PTPRB: variants seen among roughly 807,000 people sequenced by gnomAD.
PTPRB encodes the protein receptor-type tyrosine-protein phosphatase beta.
PTPRB carries 97 observed loss-of-function variants against 238.1 expected under a neutral mutation model. That is an observed-to-expected ratio of 0.41 (90% confidence interval 0.35 to 0.48). The LOEUF is 0.48. Among genes scored for constraint, PTPRB ranks in the 20% least tolerant of loss-of-function variants. The pLI, the probability that PTPRB is intolerant of heterozygous loss-of-function variation, is 0.30. For synonymous variants in PTPRB, 970 were observed against 995.4 expected (o/e 0.97, Z 0.48); for missense variants, 2,292 against 2,681.9 (o/e 0.85, Z 3.21).
At chr12:70,533,207 A>G (rs897605191) in intron 31 of PTPRB, among the ~76,000 whole-genome samples, 1 of 152,114 alleles carries the variant, frequency 6.6e-6, no homozygotes, top group African/African-American at 2.4e-5. Flanking sequence ...TTATAAGATA[A>G]CAGTTCTCCA....
intron 4 of PTPRB, chr12:70,608,836 C>T (rs576755534): frequency 1.0e-5 from 6 of 599,896 alleles, no homozygotes; most frequent in African/African-American, 1.9e-5. Flanking sequence ...CACCCCACCC[C>T]GACCCTTTCA....
chr12:70,623,490 G>A (rs1446046133), intron 2 of PTPRB, among the ~76,000 whole-genome samples: 1 of 152,208 alleles, frequency 6.6e-6, no homozygotes, highest in Admixed American at 6.5e-5. Flanking sequence ...GCTCTCAGGT[G>A]ATGCTGATGT....
intron 2 of PTPRB, among the ~76,000 whole-genome samples, chr12:70,631,273 C>T (rs1179276689): frequency 3.3e-5 from 5 of 152,052 alleles, no homozygotes; most frequent in Non-Finnish European, 5.9e-5. Flanking sequence ...GAAATAATAC[C>T]GCACATCTAC....
intron 18 of PTPRB, chr12:70,559,089 C>T: frequency 6.8e-6 from 4 of 588,272 alleles, no homozygotes; most frequent in Non-Finnish European, 1.2e-5. Context: ...CTCATCACAC[C>T]CAAAATATAA....
At chr12:70,582,274 TA>T (rs1003057173) in intron 9 of PTPRB, among the ~76,000 whole-genome samples, 40 of 152,068 alleles carry the variant, frequency 2.6e-4, no homozygotes, top group African/African-American at 8.4e-4. Flanking sequence ...AAGCGTTCAT[TA>T]AAAAAATCCT....
Position 70,534,826 on chromosome 12 carries a change from A to T in PTPRB, c.6204+7T>A, listed in dbSNP as rs112571541. 36,813 of 1,613,562 alleles carry T rather than the reference A, an allele frequency of 0.023. 490 individuals are homozygous for T. Among genetic ancestry groups the T allele is most frequent in the Admixed American group, 0.041 (2,439 of 59,960 alleles). On this transcript the variant is annotated splice_region_variant and intron_variant, in intron 30 of 33. Coordinates refer to ENST00000334414, the MANE Select transcript of PTPRB (RefSeq NM_001109754.4). ...GCTCGGTTGTTAAGTCAAGCAAGCT[A>T]ACATACACCGCATATCTTAAACTCC...
intron 29 of PTPRB, among the ~76,000 whole-genome samples, chr12:70,535,250 T>TAC (rs1565909903): frequency 9.7e-6 from 1 of 103,388 alleles, no homozygotes; most frequent in African/African-American, 3.8e-5. Context: ...TTTTTTTTTT[T>TAC]CCCCTCAGCA....
At chr12:70,633,436 T>C (rs942860526) in intron 2 of PTPRB, among the ~76,000 whole-genome samples, 4 of 152,038 alleles carry the variant, frequency 2.6e-5, no homozygotes, top group Non-Finnish European at 4.4e-5. Flanking sequence ...CAAGACTTTG[T>C]TTCTAAAAAC....
At position 70,632,615 on chromosome 12, in the gene PTPRB, C is replaced by T. The variant is rs560119213; in HGVS notation, c.451+3056G>A. On this transcript the variant is annotated intron_variant, in intron 2 of 33. Transcript: ENST00000334414. ...AGGAATGAGTGCTTAATGTGACATA[C>T]TGGCAAGGACATATATTGGAAAGGA... Among the ~76,000 whole-genome samples, 76 of 151,728 alleles carry T rather than the reference C, an allele frequency of 5.0e-4. 1 individual carries two copies. Among genetic ancestry groups the T allele is most frequent in the African/African-American group, 1.8e-3 (73 of 41,388 alleles).
chr12:70,600,082 A>G (rs940210267), intron 4 of PTPRB, among the ~76,000 whole-genome samples: 1 of 152,128 alleles, frequency 6.6e-6, no homozygotes, highest in Non-Finnish European at 1.5e-5. Flanking sequence ...GGTCATTAAA[A>G]CATTAGTATT....
intron 17 of PTPRB, 55 bp from the exon 18 acceptor site, chr12:70,559,679 A>G: frequency 6.8e-7 from 1 of 1,476,278 alleles, no homozygotes; most frequent in Non-Finnish European, 9.4e-7. Flanking sequence ...CATAACATAT[A>G]CAAATAAGAT....
intron 21 of PTPRB, among the ~76,000 whole-genome samples, chr12:70,552,496 A>AAT (rs1555224828): frequency 2.2e-5 from 3 of 134,870 alleles, no homozygotes; most frequent in Non-Finnish European, 4.6e-5. Flanking sequence ...AAAAAAAAAA[A>AAT]AAAATAATGA....
intron 2 of PTPRB, among the ~76,000 whole-genome samples, chr12:70,624,259 GATT>G (rs1197139496): frequency 3.9e-5 from 6 of 152,072 alleles, no homozygotes; most frequent in African/African-American, 1.2e-4. Flanking sequence ...TTATACTAAA[GATT>G]ATTTGTTATT....
rs778533835 is a variant in PTPRB, at chr12:70,609,246, A to G, written c.802T>C (p.Ser268Pro). ...TAGATGAGGCTAAAGTTACAGGGTG[A>G]GCCCAAAATTCTCCACTGGATAGAC... ...SVSIQWRILG[S>P]PCNFSLIYSS... The change falls in exon 4 of 34, where the codon TCA becomes CCA. Residue 268 changes from serine (S) to proline (P), a missense_variant. Physicochemically the swap from Ser to Pro is moderately conservative, Grantham distance 74 (BLOSUM62 -1). Transcript: ENST00000334414. 6.2e-7 allele frequency: 1 copy of G among 1,614,062 alleles called. No individual in the cohort carries two copies. Among genetic ancestry groups the G allele is most frequent in the South Asian group, 1.1e-5 (1 of 91,088 alleles).
chr12:70,602,003 G>C (rs539379519), intron 4 of PTPRB, among the ~76,000 whole-genome samples: 4 of 151,720 alleles, frequency 2.6e-5, no homozygotes, highest in Admixed American at 1.3e-4. Flanking sequence ...CACCGTGTTA[G>C]CCAGGATGGT....
At chr12:70,547,444 T>G (rs1876154600) in intron 21 of PTPRB, among the ~76,000 whole-genome samples, 1 of 152,210 alleles carries the variant, frequency 6.6e-6, no homozygotes, top group Non-Finnish European at 1.5e-5. Context: ...ATTTGGAAAT[T>G]CAGTGTCTCT....
Position 70,576,662 on chromosome 12 carries a change from T to TCGGGG in PTPRB, c.2579-18_2579-17insCCCCG, listed in dbSNP as rs1555230172. On this transcript the variant is annotated splice_polypyrimidine_tract_variant and intron_variant, in intron 10 of 33. Coordinates refer to ENST00000334414, the MANE Select transcript of PTPRB (RefSeq NM_001109754.4). ...TGGAAGGGACTGTGATTTTGAAAGG[T>TCGGGG]GGGGGGCGGGGGGGGGGGGGAAGGG... 1.3e-4 allele frequency: 2 copies of TCGGGG among 15,194 alleles called. No individual in the cohort carries two copies. The highest frequency in any genetic ancestry group is 6.5e-4 in the African/African-American group (2 of 3,076). The allele number at this position is 15,194 out of a possible 1,614,324, so 0.9% of individuals were successfully genotyped here.
intron 3 of PTPRB, chr12:70,609,781 T>C (rs1231984400): frequency 3.1e-6 from 5 of 1,587,606 alleles, no homozygotes; most frequent in Admixed American, 1.8e-5. Flanking sequence ...CTCAGTGTGA[T>C]CCACAAGGCC....
chr12:70,637,291 T>G (rs764898088), intron 1 of PTPRB, 50 bp downstream of exon 1: 12 of 1,532,054 alleles, frequency 7.8e-6, no homozygotes, highest in Non-Finnish European at 1.1e-5. Context: ...AGGGACTCCT[T>G]GGCTAGATCT....
Sources: gnomAD v4.1 joint callset for allele counts (sites outside exome capture counted in the v4.1 genomes callset) on GRCh38, gnomAD v4.1.1 for gene constraint, MANE v1.5 for transcripts, NCBI Gene and HGNC (gene_info 2026-07-23, HGNC 2026-07-21) for gene names.